The following STAB2 variants were observed in gnomAD, a reference collection of about 807,000 sequenced individuals.
STAB2 encodes stabilin-2.
A neutral mutation model predicts 338.1 loss-of-function variants in STAB2; 288 were observed. The ratio of observed to expected loss-of-function variants is 0.85; its 90% confidence interval spans 0.77 to 0.94. STAB2 has a LOEUF of 0.94. Ranked by LOEUF, STAB2 falls within the 40% of genes least tolerant of loss-of-function variation. The probability of loss-of-function intolerance (pLI) is 0.00; values close to 1 mark genes in which losing one functional copy is unlikely to be tolerated. For missense variants in STAB2, 3,141 were observed against 3,210.1 expected (o/e 0.98, Z 0.52); for synonymous variants, 1,202 against 1,193.3 (o/e 1.01, Z -0.15).
intron 25 of STAB2, among the ~76,000 whole-genome samples, chr12:103,679,428 T>G (rs1041125968): frequency 1.3e-5 from 2 of 151,980 alleles, no homozygotes; most frequent in African/African-American, 4.8e-5. Flanking sequence ...AAAGTGGAAC[T>G]GCTTAGCTAA....
At chr12:103,635,087 C>T (rs1270961248) in intron 6 of STAB2, among the ~76,000 whole-genome samples, 2 of 152,226 alleles carry the variant, frequency 1.3e-5, no homozygotes, top group African/African-American at 4.8e-5. Context: ...CTCCATGCAT[C>T]TCTCACATGT....
At chr12:103,697,519 C>G (rs1323959036) in intron 33 of STAB2, among the ~76,000 whole-genome samples, 1 of 152,200 alleles carries the variant, frequency 6.6e-6, no homozygotes, top group Non-Finnish European at 1.5e-5. Context: ...GTCACAAACT[C>G]AGTCTCAGCT....
chr12:103,727,967 C>T (rs539060573), intron 47 of STAB2, among the ~76,000 whole-genome samples: 7 of 152,140 alleles, frequency 4.6e-5, no homozygotes, highest in Admixed American at 2.6e-4. Context: ...AACCTGGGCC[C>T]GTGTACTTAA....
intron 6 of STAB2, 22 bp downstream of exon 6, chr12:103,631,715 A>C (rs1472698329): frequency 2.5e-6 from 4 of 1,607,480 alleles, no homozygotes; most frequent in Admixed American, 3.3e-5. Flanking sequence ...TAGTTCCCTT[A>C]ATGCCACACC....
chr12:103,757,920 G>A lies in STAB2; in HGVS notation c.6988-250G>A. 3 of 519,424 alleles carry A rather than the reference G, an allele frequency of 5.8e-6. No homozygotes were observed. The South Asian group carries it at 7.2e-5, about 12-fold the overall frequency. 32.2% of individuals were successfully genotyped at this position (519,424 alleles called of 1,614,324 possible). A position where few individuals can be genotyped will look rare whatever the true frequency, so the allele number is the denominator to read the frequency against. ...CGAGATTTGATGCACCTTTCAAAGG[G>A]CTGCTCAAGCAGCCACGTGGAGGAT... is the stretch of plus-strand genomic sequence containing the variant. On this transcript the variant is annotated intron_variant, in intron 63 of 68. Coordinates refer to ENST00000388887, the MANE Select transcript of STAB2 (RefSeq NM_017564.10).
chr12:103,590,331 A>C (rs1023688226), intron 1 of STAB2, among the ~76,000 whole-genome samples: 2 of 152,236 alleles, frequency 1.3e-5, no homozygotes, highest in African/African-American at 4.8e-5. Context: ...CAAAACAGAG[A>C]AAGATCCCTG....
Position 103,748,962 on chromosome 12 carries a change from G to A in STAB2, c.6245-1G>A. On this transcript the variant is annotated splice_acceptor_variant, in intron 58 of 68. Transcript: ENST00000388887. LOFTEE classifies it high-confidence loss of function. ...GAGCCCTCTCTCCTCTGCTCTTGCA[G>A]TTGTGGATTTCTGCAAACAGGACAA... 1 of 1,612,508 alleles carries A rather than the reference G, an allele frequency of 6.2e-7. No homozygotes were observed. The highest frequency in any genetic ancestry group is 2.2e-5 in the East Asian group (1 of 44,838).
intron 45 of STAB2, 28 bp downstream of exon 45, chr12:103,725,122 A>G (rs779695021): frequency 1.9e-6 from 3 of 1,599,320 alleles, no homozygotes; most frequent in Non-Finnish European, 2.6e-6. Context: ...TCCATCAAGT[A>G]AACTCTACTT....
chr12:103,701,334 A>G (rs1445895682), intron 34 of STAB2, among the ~76,000 whole-genome samples: 1 of 152,156 alleles, frequency 6.6e-6, no homozygotes, highest in Non-Finnish European at 1.5e-5. Context: ...ATGTCTTTAG[A>G]GCAGCATGAT....
In STAB2 at chr12:103,650,581, G is replaced by T; in HGVS notation, c.1257+3G>T. 1 of 1,612,148 alleles carries T rather than the reference G, an allele frequency of 6.2e-7. No individual in the cohort carries two copies. Among genetic ancestry groups the T allele is most frequent in the Middle Eastern group, 1.7e-4 (1 of 6,036 alleles). On this transcript the variant is annotated splice_donor_region_variant and intron_variant, in intron 11 of 68. Transcript: ENST00000388887. Reference sequence around the variant, plus strand: ...ACAAGGGACTGAAAGGATTCAATGTGAGTATTTAAAATGACCCTACACCAA... The same window carrying T: ...ACAAGGGACTGAAAGGATTCAATGTTAGTATTTAAAATGACCCTACACCAA...
intron 3 of STAB2, among the ~76,000 whole-genome samples, chr12:103,609,601 GT>G (rs1957088874): frequency 6.6e-6 from 1 of 152,006 alleles, no homozygotes; most frequent in South Asian, 2.1e-4. Context: ...AGATGATGGG[GT>G]TTTCTAGATA....
chr12:103,687,368 T>C (rs1485503838), intron 27 of STAB2, among the ~76,000 whole-genome samples: 1 of 152,060 alleles, frequency 6.6e-6, no homozygotes, highest in Non-Finnish European at 1.5e-5. Context: ...CAAATGTCAC[T>C]GCTCTGCCAG....
At chr12:103,616,476 T>C (rs910336308) in intron 3 of STAB2, among the ~76,000 whole-genome samples, 7 of 152,206 alleles carry the variant, frequency 4.6e-5, no homozygotes, top group African/African-American at 1.7e-4. Flanking sequence ...GTTGGTTCCA[T>C]GCTTGGAGGA....
intron 5 of STAB2, among the ~76,000 whole-genome samples, chr12:103,626,126 G>A (rs965589260): frequency 6.6e-6 from 1 of 152,194 alleles, no homozygotes; most frequent in East Asian, 1.9e-4. Flanking sequence ...AAACCTCCAA[G>A]CTCTGGATTC....
In STAB2 at chr12:103,759,573, A is replaced by G. The variant is rs1355349131; in HGVS notation, c.7248+300A>G. On this transcript the variant is annotated intron_variant, in intron 65 of 68. Transcript: ENST00000388887. ...TCAGACTATTCCAGGCATTAACATGAGCTCCAAAGTCAAATGACCCCAGTA... is the reference window on the plus strand; with the variant it reads ...TCAGACTATTCCAGGCATTAACATGGGCTCCAAAGTCAAATGACCCCAGTA... Among the ~76,000 whole-genome samples, 5 of 152,270 alleles carry G rather than the reference A, an allele frequency of 3.3e-5. No individual in the cohort carries two copies. In the East Asian group the frequency reaches 9.7e-4, roughly 29 times the overall value.
intron 48 of STAB2, 65 bp from the exon 49 acceptor site, chr12:103,730,051 T>C (rs1881508997): frequency 1.4e-6 from 2 of 1,480,608 alleles, no homozygotes; most frequent in Non-Finnish European, 1.8e-6. Flanking sequence ...AAGCATTCTG[T>C]GAGAAGCAAT....
At chr12:103,705,543 A>G (rs1879270583) in intron 36 of STAB2, 89 bp from the exon 37 acceptor site, 1 of 1,012,708 alleles carries the variant, frequency 9.9e-7, no homozygotes, top group South Asian at 1.4e-5. Flanking sequence ...AGTCAGAGAG[A>G]CAGCAATGCA....
intron 39 of STAB2, 107 bp downstream of exon 39, chr12:103,708,643 C>T (rs1427446607): frequency 2.8e-5 from 28 of 1,011,518 alleles, no homozygotes; most frequent in Non-Finnish European, 4.1e-5. Flanking sequence ...CTTCTTCTGG[C>T]AATAAACATG....
At chr12:103,641,716 G>A (rs1872939916) in intron 9 of STAB2, among the ~76,000 whole-genome samples, 1 of 152,188 alleles carries the variant, frequency 6.6e-6, no homozygotes, top group African/African-American at 2.4e-5. Context: ...AATGAAATGA[G>A]AATATCAGAA....
Sources: allele counts gnomAD v4.1 joint callset (sites outside exome capture counted in the v4.1 genomes callset), GRCh38; gene constraint gnomAD v4.1.1; transcripts MANE v1.5; gene names NCBI Gene and HGNC (gene_info 2026-07-23, HGNC 2026-07-21).